Variants in C13orf42 observed in about 807,000 individuals in gnomAD.
C13orf42 encodes uncharacterized protein C13orf42.
chr13:51,141,229 G>GT lies in C13orf42; in HGVS notation n.137-28008dup, dbSNP rs1256203840. ...CCTTGTCTTTTTTTTTGAGCCAAAG[G>GT]TTTTTTTTTGTTTTTTTTTTCTCAG... On this transcript the variant is annotated intron_variant and non_coding_transcript_variant, in intron 1 of 4. Coordinates refer to the C13orf42 transcript ENST00000433280. Among the ~76,000 whole-genome samples, 39 of 145,600 alleles carry GT rather than the reference G, an allele frequency of 2.7e-4. No individual in the cohort carries two copies. The East Asian group carries it at 2.9e-3, about 11-fold the overall frequency.
intron 1 of C13orf42, among the ~76,000 whole-genome samples, chr13:51,153,931 C>A (rs1953805519): frequency 1.3e-5 from 2 of 152,030 alleles, no homozygotes; most frequent in African/African-American, 4.8e-5. Context: ...CCATGCCTGA[C>A]CCAACCCATC....
chr13:51,145,636 A>G (rs1953728218), intron 1 of C13orf42, among the ~76,000 whole-genome samples: 1 of 152,204 alleles, frequency 6.6e-6, no homozygotes, highest in Non-Finnish European at 1.5e-5. Flanking sequence ...CTTGCCTCCC[A>G]TTCTATTCAA....
intron 1 of C13orf42, among the ~76,000 whole-genome samples, chr13:51,091,192 A>G (rs552446039): frequency 6.6e-6 from 1 of 152,308 alleles, no homozygotes; most frequent in East Asian, 1.9e-4. Flanking sequence ...CTGCTGGCCC[A>G]GTCAATACAT....
intron 1 of C13orf42, among the ~76,000 whole-genome samples, chr13:51,142,758 G>C (rs187907192): frequency 6.6e-6 from 1 of 151,634 alleles, no homozygotes; most frequent in Non-Finnish European, 1.5e-5. Context: ...CAAATAAAGA[G>C]GTAATTTTTT....
upstream of C13orf42, among the ~76,000 whole-genome samples, chr13:51,114,026 A>G (rs1417095953): frequency 6.6e-6 from 1 of 152,244 alleles, no homozygotes; most frequent in East Asian, 1.9e-4. Context: ...GAATTTCTCA[A>G]ATGTAAAGTG....
intron 1 of C13orf42, among the ~76,000 whole-genome samples, chr13:51,135,188 G>A (rs1363015041): frequency 6.6e-6 from 1 of 152,224 alleles, no homozygotes; most frequent in Non-Finnish European, 1.5e-5. Flanking sequence ...GTGGAACTGT[G>A]AGAGTACAAG....
chr13:51,086,476 G>C (rs1265326981), intron 2 of C13orf42, among the ~76,000 whole-genome samples: 1 of 151,332 alleles, frequency 6.6e-6, no homozygotes, highest in Non-Finnish European at 1.5e-5. Flanking sequence ...GTATGTGAGA[G>C]TGTGTGTGTG....
chr13:51,121,588 T>G (rs1417190355), intron 1 of C13orf42, among the ~76,000 whole-genome samples: 1 of 147,298 alleles, frequency 6.8e-6, no homozygotes, highest in Non-Finnish European at 1.5e-5. Context: ...CAGGCTGGAG[T>G]GCAGTGGCGT....
At chr13:51,129,701 A>T (rs1953601486) in intron 1 of C13orf42, among the ~76,000 whole-genome samples, 1 of 152,220 alleles carries the variant, frequency 6.6e-6, no homozygotes, top group African/African-American at 2.4e-5. Context: ...GTTAATAGAA[A>T]AAAGGATTTG....
At chr13:51,146,198 C>T (rs562704352) in intron 1 of C13orf42, among the ~76,000 whole-genome samples, 8 of 129,772 alleles carry the variant, frequency 6.2e-5, no homozygotes, top group Non-Finnish European at 1.3e-4. Context: ...CCAAAATTAA[C>T]CTATTTTGGA....
chr13:51,156,941 T>G (rs1358249345), intron 1 of C13orf42, among the ~76,000 whole-genome samples: 1 of 152,256 alleles, frequency 6.6e-6, no homozygotes, highest in Non-Finnish European at 1.5e-5. Flanking sequence ...ATTACATATC[T>G]TCACATCCTG....
chr13:51,154,877 T>TA (rs2138042079), intron 1 of C13orf42, among the ~76,000 whole-genome samples: 1 of 152,312 alleles, frequency 6.6e-6, no homozygotes, highest in East Asian at 1.9e-4. Context: ...TGTTGGGCCC[T>TA]GAGCCCAAGG....
chr13:51,156,849 T>C, intron 1 of C13orf42, among the ~76,000 whole-genome samples: 1 of 152,204 alleles, frequency 6.6e-6, no homozygotes, highest in Non-Finnish European at 1.5e-5. Flanking sequence ...CAGCTCTCAT[T>C]CAGGCCAGTT....
At chr13:51,150,159 T>A (rs1566139703) in intron 1 of C13orf42, among the ~76,000 whole-genome samples, 1 of 152,212 alleles carries the variant, frequency 6.6e-6, no homozygotes, top group Non-Finnish European at 1.5e-5. Context: ...ATGATCAGCT[T>A]TTACTGCTGA....
At chr13:51,114,529 C>T (rs1201931147), upstream of C13orf42, among the ~76,000 whole-genome samples, 1 of 152,098 alleles carries the variant, frequency 6.6e-6, no homozygotes, top group Non-Finnish European at 1.5e-5. Context: ...GCTTATTTCA[C>T]TTATCATAAT....
At chr13:51,134,391 G>T (rs927129990) in intron 1 of C13orf42, among the ~76,000 whole-genome samples, 5 of 152,092 alleles carry the variant, frequency 3.3e-5, no homozygotes, top group African/African-American at 9.7e-5. Flanking sequence ...GGTGTGGTTT[G>T]GGGAGCCACC....
chr13:51,157,792 TAATA>T (rs1953836116), intron 1 of C13orf42, among the ~76,000 whole-genome samples: 1 of 152,214 alleles, frequency 6.6e-6, no homozygotes, highest in Admixed American at 6.5e-5. Flanking sequence ...TATTGTGAAG[TAATA>T]AATATTCACT....
chr13:51,100,054 C>T (rs994742970), intron 1 of C13orf42, among the ~76,000 whole-genome samples: 1 of 151,986 alleles, frequency 6.6e-6, no homozygotes, highest in Non-Finnish European at 1.5e-5. Context: ...TATATACATG[C>T]CAGTTGTCAA....
rs554938756 is a variant in C13orf42, at chr13:51,084,664, T to C, written c.804-339A>G. 2.0e-5 allele frequency among the ~76,000 whole-genome samples: 3 copies of C among 152,360 alleles called. No individual in the cohort carries two copies. In the South Asian group the frequency reaches 6.2e-4, roughly 32 times the overall value. Reference sequence around the variant, plus strand: ...TGTAGAAGCAAAGGAAGACAGCTGATGAGGCTTGACAGGCCCTTCCGTTGT... The same window carrying C: ...TGTAGAAGCAAAGGAAGACAGCTGACGAGGCTTGACAGGCCCTTCCGTTGT... On this transcript the variant is annotated intron_variant, in intron 3 of 3. Transcript: ENST00000563710.
Sources: allele counts gnomAD v4.1 joint callset (sites outside exome capture counted in the v4.1 genomes callset), GRCh38; gene constraint gnomAD v4.1.1; transcripts MANE v1.5; gene names NCBI Gene and HGNC (gene_info 2026-07-23, HGNC 2026-07-21).